PAQR7: variants seen among roughly 807,000 people sequenced by gnomAD.
PAQR7 encodes progestin and adipoQ receptor family member 7, also known as membrane progestin receptor alpha.
PAQR7 carries 14 observed loss-of-function variants against 24.6 expected under a neutral mutation model. The ratio of observed to expected loss-of-function variants is 0.57; its 90% CI spans 0.38 to 0.89. The LOEUF (loss-of-function observed/expected upper bound fraction) is 0.89. Among genes scored for constraint, PAQR7 ranks in the 40% least tolerant of loss-of-function variants. The probability of loss-of-function intolerance (pLI) is 0.00; values close to 1 mark genes in which losing one functional copy is unlikely to be tolerated. For missense variants in PAQR7, 351 were observed against 444.0 expected, an observed-to-expected ratio of 0.79 and a Z score of 1.88; for synonymous variants, 189 against 198.8, an observed-to-expected ratio of 0.95 and a Z score of 0.42.
chr1:25,869,132 GA>G (rs1330567189), intron 2 of PAQR7, among the ~76,000 whole-genome samples: 7 of 146,518 alleles, frequency 4.8e-5, no homozygotes, highest in East Asian at 2.0e-4. Flanking sequence ...ATCTCAAGAA[GA>G]AAAAAAAAAG....
chr1:25,869,638 G>A (rs546386183), intron 2 of PAQR7, among the ~76,000 whole-genome samples: 1 of 152,162 alleles, frequency 6.6e-6, no homozygotes, highest in African/African-American at 2.4e-5. Context: ...GATGGGGGAG[G>A]GAGGTGGAGC....
At chr1:25,872,036 C>T (rs1332813589) in intron 1 of PAQR7, among the ~76,000 whole-genome samples, 1 of 152,206 alleles carries the variant, frequency 6.6e-6, no homozygotes, top group Non-Finnish European at 1.5e-5. Context: ...ACGCCACAGG[C>T]CTCATTTTTA....
chr1:25,872,094 G>T (rs2048610784), intron 1 of PAQR7, among the ~76,000 whole-genome samples: 2 of 152,242 alleles, frequency 1.3e-5, no homozygotes, highest in African/African-American at 2.4e-5. Context: ...GTGTGACTCT[G>T]CAACAGTCCC....
At chr1:25,868,654 G>C (rs2048577549) in intron 2 of PAQR7, among the ~76,000 whole-genome samples, 1 of 146,350 alleles carries the variant, frequency 6.8e-6, no homozygotes, top group South Asian at 2.2e-4. Flanking sequence ...AGGTTGCCGG[G>C]AGCCAAGATT....
rs761066806 is a variant in PAQR7 at position 25,863,154 on chromosome 1, G to A, written c.686C>T (p.Ser229Phe). ...AGCTGGATCATCCGTGGTGGGGTCG[G>A]AGGACACGAAGATACGATGCACCAC... ...SPVVHRIFVS[S>F]DPTTDDPALL... Residue 229 changes from serine (S) to phenylalanine (F), a missense_variant, in exon 3 of 3, where the codon TCC becomes TTC. Ser to Phe is a radical substitution (Grantham distance 155). Transcript: ENST00000675840. The surrounding 1 kb of genome is among the most constrained non-coding windows in gnomAD (Gnocchi z 6.1). 1.2e-6 allele frequency: 2 copies of A among 1,614,200 alleles called. No homozygotes were observed. The highest frequency in any genetic ancestry group is 4.5e-5 in the East Asian group (2 of 44,880).
At chr1:25,868,960 C>G (rs1283626388) in intron 2 of PAQR7, among the ~76,000 whole-genome samples, 2 of 151,436 alleles carry the variant, frequency 1.3e-5, no homozygotes, top group Non-Finnish European at 2.9e-5. Context: ...AACCCCGTCT[C>G]TACTAAAAAT....
At chr1:25,872,731 G>C (rs1352606741) in intron 1 of PAQR7, among the ~76,000 whole-genome samples, 1 of 151,908 alleles carries the variant, frequency 6.6e-6, no homozygotes, top group African/African-American at 2.4e-5. Context: ...GGCTGGTCTC[G>C]AACTCCTGGT....
chr1:25,865,283 A>G (rs11247820), intron 2 of PAQR7, among the ~76,000 whole-genome samples: 10,003 of 152,174 alleles, frequency 0.066, 1,121 homozygotes, highest in African/African-American at 0.23. Flanking sequence ...ATTTCTCATG[A>G]TTGTTCATGT....
chr1:25,873,812 C>T (rs1394680070), intron 1 of PAQR7, among the ~76,000 whole-genome samples: 1 of 152,198 alleles, frequency 6.6e-6, no homozygotes, highest in Non-Finnish European at 1.5e-5. Context: ...CTTGAGCAAT[C>T]CTCCTGCGTT....
Position 25,862,773 on chromosome 1 carries a change from C to T in PAQR7, c.*26G>A. 1 of 1,595,160 alleles carries T rather than the reference C, an allele frequency of 6.3e-7. No homozygotes were observed. ...AGACCCCTGTCCCCCAACTATACCT[C>T]CCTCCCTACCAGATGCCATCCCCCT... On this transcript the variant is annotated 3_prime_UTR_variant, in exon 3 of 3. Coordinates refer to ENST00000675840, the MANE Select transcript of PAQR7 (RefSeq NM_178422.6).
rs760674680 is a variant in PAQR7, at chr1:25,862,854, G to T, written c.986C>A (p.Thr329Asn). The change falls in exon 3 of 3, where the codon ACT becomes AAT. Residue 329 changes from threonine to asparagine, a missense_variant. Transcript: ENST00000675840. ...TACCAGCTGGCTCAGGAGGAATGCAGTGAGGATGCTGCTGCCCACCGTGAG... is the reference window on the plus strand; with the variant it reads ...TACCAGCTGGCTCAGGAGGAATGCATTGAGGATGCTGCTGCCCACCGTGAG... ...FLLTVGSSIL[T>N]AFLLSQLVQR... 3.1e-6 allele frequency: 5 copies of T among 1,614,162 alleles called. No homozygotes were observed. The Admixed American group carries it at 6.7e-5, about 22-fold the overall frequency.
Position 25,863,112 on chromosome 1 carries a change from C to T in PAQR7, c.728G>A (p.Cys243Tyr), listed in dbSNP as rs1257472553. 4.3e-6 allele frequency: 7 copies of T among 1,614,160 alleles called. No homozygotes were observed. Among genetic ancestry groups the T allele is most frequent in the Middle Eastern group, 1.6e-4 (1 of 6,062 alleles). ...AGCCAGCAGAAAGAAGACCACCTGG[C>T]ACTTGTGGTAGAGAAGAGCTGGATC... ...TDDPALLYHK[C>Y]QVVFFLLAAA... Residue 243 changes from cysteine to tyrosine, a missense_variant, in exon 3 of 3, where the codon TGC becomes TAC. Physicochemically the swap from Cys to Tyr is radical, Grantham distance 194. Transcript: ENST00000675840. The surrounding 1 kb of genome is among the most constrained non-coding windows in gnomAD (Gnocchi z 6.1).
chr1:25,865,431 T>TC (rs1469316970), intron 2 of PAQR7, among the ~76,000 whole-genome samples: 2 of 152,112 alleles, frequency 1.3e-5, no homozygotes, highest in Non-Finnish European at 2.9e-5. Context: ...TCCCAGCACT[T>TC]TGGGAGGCTG....
At chr1:25,869,370 G>A (rs1055928370) in intron 2 of PAQR7, among the ~76,000 whole-genome samples, 5 of 151,956 alleles carry the variant, frequency 3.3e-5, no homozygotes, top group Non-Finnish European at 7.4e-5. Context: ...TCAGGAGTTC[G>A]AGACCAGCCT....
In PAQR7 at chr1:25,863,160, A is replaced by G; in HGVS notation, c.680T>C (p.Val227Ala). The change falls in exon 3 of 3, where the codon GTG (valine) becomes GCG (alanine). Residue 227 changes from valine to alanine, a missense_variant. Transcript: ENST00000675840. The surrounding 1 kb of genome is among the most constrained non-coding windows in gnomAD (Gnocchi z 6.1). ...DISPVVHRIF[V>A]SSDPTTDDPA... is the part of the protein sequence containing the mutation. ...ATCATCCGTGGTGGGGTCGGAGGAC[A>G]CGAAGATACGATGCACCACAGGACT... 2 of 1,614,212 alleles carry G rather than the reference A, an allele frequency of 1.2e-6. No homozygotes were observed. Among genetic ancestry groups the G allele is most frequent in the Non-Finnish European group, 1.7e-6 (2 of 1,180,052 alleles).
Position 25,863,747 on chromosome 1 carries a change from G to T in PAQR7, c.93C>A (p.Phe31Leu), listed in dbSNP as rs1220920487. ...PQLSLQPEPV[F>L]TVDRAEVPPL... ...GCGGCACCTCAGCTCGATCCACCGT[G>T]AAGACAGGCTCTGGCTGCAGAGATA... is the stretch of plus-strand genomic sequence containing the variant. Residue 31 changes from phenylalanine to leucine, a missense_variant, in exon 3 of 3, where the codon TTC becomes TTA. Physicochemically the swap from Phe to Leu is conservative, Grantham distance 22. Transcript: ENST00000675840. The surrounding 1 kb of genome is among the most constrained non-coding windows in gnomAD (Gnocchi z 6.1). 6.2e-7 allele frequency: 1 copy of T among 1,613,932 alleles called. No individual in the cohort carries two copies. The highest frequency in any genetic ancestry group is 1.7e-5 in the Admixed American group (1 of 60,022).
chr1:25,868,605 G>A (rs955027487), intron 2 of PAQR7, among the ~76,000 whole-genome samples: 2 of 150,508 alleles, frequency 1.3e-5, no homozygotes, highest in African/African-American at 2.4e-5. Flanking sequence ...AGCTACTTGG[G>A]AAGCTGAGGC....
At chr1:25,872,555 C>T (rs989890841) in intron 1 of PAQR7, among the ~76,000 whole-genome samples, 1 of 150,432 alleles carries the variant, frequency 6.6e-6, no homozygotes, top group African/African-American at 2.5e-5. Context: ...ATGCTCTGTC[C>T]CCCAGGCTGG....
intron 2 of PAQR7, among the ~76,000 whole-genome samples, chr1:25,865,764 G>A (rs564358073): frequency 2.6e-5 from 4 of 152,044 alleles, no homozygotes; most frequent in South Asian, 2.1e-4. Context: ...CCAAGATCAC[G>A]CCACTGCACT....
Sources: gnomAD v4.1 joint callset for allele counts (sites outside exome capture counted in the v4.1 genomes callset) on GRCh38, gnomAD v4.1.1 for gene constraint, Gnocchi (gnomAD v3.1) non-coding constraint, MANE v1.5 for transcripts, NCBI Gene and HGNC (gene_info 2026-07-23, HGNC 2026-07-21) for gene names.